The following SRD5A3 variants were observed in gnomAD, a reference collection of about 807,000 sequenced individuals.
The protein encoded by SRD5A3 is polyprenal reductase.
SRD5A3 carries 24 observed loss-of-function variants against 34.3 expected under a neutral mutation model. The observed-to-expected ratio is 0.70, with a 90% CI of 0.51 to 0.99. The LOEUF is 0.99. Ranked by LOEUF, SRD5A3 falls within the 50% of genes least tolerant of loss-of-function variation. The probability of loss-of-function intolerance (pLI) is 0.00; values close to 1 mark genes in which losing one functional copy is unlikely to be tolerated. For missense variants in SRD5A3, 350 were observed against 388.2 expected, an observed-to-expected ratio of 0.90 and a Z score of 0.83; for synonymous variants, 161 against 167.3, an observed-to-expected ratio of 0.96 and a Z score of 0.29.
chr4:55,360,084 G>A (rs1018826094), intron 2 of SRD5A3, among the ~76,000 whole-genome samples: 33 of 151,738 alleles, frequency 2.2e-4, no homozygotes, highest in Non-Finnish European at 3.2e-4. Flanking sequence ...GCATGGTGGC[G>A]GGCACCTGTA....
Position 55,370,040 on chromosome 4 carries a change from A to C in SRD5A3, c.906A>C (p.Lys302Asn), listed in dbSNP as rs776147710. Reference sequence around the variant, plus strand: ...TCAGCCACCAATTCTACAAAAGCAAATTTGTCTCTTACCCGAAGCATAGGA... The same window carrying C: ...TCAGCCACCAATTCTACAAAAGCAACTTTGTCTCTTACCCGAAGCATAGGA... ...AFLSHQFYKS[K>N]FVSYPKHRKA... is the part of the protein sequence containing the mutation. Residue 302 changes from lysine (K) to asparagine (N), a missense_variant, in exon 5 of 5, where the codon AAA (lysine) becomes AAC (asparagine). Coordinates refer to ENST00000264228, the MANE Select transcript of SRD5A3 (RefSeq NM_024592.5). The C allele has an allele frequency of 1.9e-6, 3 of 1,614,008 alleles. No homozygotes were observed. Among genetic ancestry groups the C allele is most frequent in the Non-Finnish European group, 2.5e-6 (3 of 1,180,020 alleles).
chr4:55,350,243 AC>A (rs2109460834), intron 1 of SRD5A3, among the ~76,000 whole-genome samples: 2 of 152,254 alleles, frequency 1.3e-5, no homozygotes, highest in African/African-American at 4.8e-5. Context: ...GGTGGCGAGC[AC>A]CGGTAATTCC....
At position 55,346,910 on chromosome 4, in the gene SRD5A3, C is replaced by T. The variant is rs535586320; in HGVS notation, c.221+353C>T. Reference sequence around the variant, plus strand: ...CGAATTTAGGCGGCAAATTGAAGTGCCCCTTGCCCCAAATTCTCCTTTTTC... The same window carrying T: ...CGAATTTAGGCGGCAAATTGAAGTGTCCCTTGCCCCAAATTCTCCTTTTTC... On this transcript the variant is annotated intron_variant, in intron 1 of 4. Coordinates refer to ENST00000264228, the MANE Select transcript of SRD5A3 (RefSeq NM_024592.5). 8.0e-5 allele frequency among the ~76,000 whole-genome samples: 12 copies of T among 149,162 alleles called. No homozygotes were observed. In the South Asian group the frequency reaches 2.6e-3, roughly 32 times the overall value.
In SRD5A3 at chr4:55,364,129, C is replaced by T; in HGVS notation, c.420C>T (p.Ser140=). Residue 140 remains serine, a synonymous_variant, in exon 3 of 5, where the codon AGC becomes AGT. Transcript: ENST00000264228. ...FLVLVFLWLH[S]LRRLFECLYV... ...TGCTAGTATTTCTGTGGCTGCACAG[C>T]TTACGAAGACTCTTCGAGTGCCTCT... 1 of 1,614,226 alleles carries T rather than the reference C, an allele frequency of 6.2e-7. No individual in the cohort carries two copies. Among genetic ancestry groups the T allele is most frequent in the Non-Finnish European group, 8.5e-7 (1 of 1,180,038 alleles).
At chr4:55,368,220 T>G (rs1270020413) in intron 4 of SRD5A3, among the ~76,000 whole-genome samples, 1 of 151,550 alleles carries the variant, frequency 6.6e-6, no homozygotes, top group Non-Finnish European at 1.5e-5. Context: ...CTTCTAAAAA[T>G]ACAAAACTTA....
At chr4:55,346,792 G>T (rs1437675045) in intron 1 of SRD5A3, among the ~76,000 whole-genome samples, 3 of 152,216 alleles carry the variant, frequency 2.0e-5, no homozygotes, top group Admixed American at 6.5e-5. Flanking sequence ...GAGCGGAGCC[G>T]CTTGCACTCA....
chr4:55,355,691 C>T (rs888461398), intron 1 of SRD5A3, among the ~76,000 whole-genome samples: 4 of 152,106 alleles, frequency 2.6e-5, no homozygotes, highest in Non-Finnish European at 2.9e-5. Flanking sequence ...AGTTCAGGCA[C>T]GCCTAGGTTG....
rs374407864 is a variant in SRD5A3, at chr4:55,363,107, A to G, written c.365-967A>G. Among the ~76,000 whole-genome samples the G allele has an allele frequency of 1.6e-4, 24 of 151,374 alleles. No individual in the cohort carries two copies. The East Asian group carries it at 3.6e-3, about 23-fold the overall frequency. ...GGCAATCCACCCGCCTCCAACTCCC[A>G]AAGTGGTAGGATTACAGGCATGAGC... is the stretch of plus-strand genomic sequence containing the variant. On this transcript the variant is annotated intron_variant, in intron 2 of 4. Transcript: ENST00000264228.
intron 1 of SRD5A3, among the ~76,000 whole-genome samples, chr4:55,357,876 A>G (rs919601338): frequency 6.6e-6 from 1 of 152,148 alleles, no homozygotes; most frequent in Non-Finnish European, 1.5e-5. Context: ...CTGGCCAGTG[A>G]TAGAATTTGC....
chr4:55,364,272 G>C lies in SRD5A3; in HGVS notation c.562+1G>C. On this transcript the variant is annotated splice_donor_variant, in intron 3 of 4. Transcript: ENST00000264228. LOFTEE classifies it high-confidence loss of function. The stretch of plus-strand genomic sequence containing the variant: ...CAAGTGCCAATGGATGGCAGGAATG[G>C]TGAGTGGATCCAGCCCTGCCAGGAG... 1 of 1,614,032 alleles carries C rather than the reference G, an allele frequency of 6.2e-7. No homozygotes were observed.
intron 1 of SRD5A3, chr4:55,352,156 T>G (rs1044366763): frequency 1.2e-6 from 1 of 861,290 alleles, no homozygotes; most frequent in Non-Finnish European, 2.0e-6. Flanking sequence ...GCACTAAGTC[T>G]GGTTTGGCTT....
At chr4:55,353,758 G>A (rs762869151) in intron 1 of SRD5A3, among the ~76,000 whole-genome samples, 6 of 151,980 alleles carry the variant, frequency 3.9e-5, no homozygotes, top group Admixed American at 2.0e-4. Context: ...CGAGGTCTGC[G>A]GCTTCACTCC....
intron 3 of SRD5A3, chr4:55,364,715 C>CAA: frequency 1.1e-5 from 2 of 174,488 alleles, no homozygotes; most frequent in Non-Finnish European, 2.4e-5. Flanking sequence ...GACTCCATCT[C>CAA]AAAAAAAAAG....
At chr4:55,356,604 G>A (rs1189130458) in intron 1 of SRD5A3, among the ~76,000 whole-genome samples, 2 of 151,904 alleles carry the variant, frequency 1.3e-5, no homozygotes, top group African/African-American at 4.8e-5. Flanking sequence ...TGGAACTACA[G>A]GCATGCATCA....
Position 55,369,880 on chromosome 4 carries a change from AAT to A in SRD5A3, c.749_750del (p.Tyr250CysfsTer5). The A allele has an allele frequency of 6.2e-7, 1 of 1,614,112 alleles. No individual in the cohort carries two copies. The highest frequency in any genetic ancestry group is 8.5e-7 in the Non-Finnish European group (1 of 1,180,014). ...AGGATCCCATTTGGAGACTGGTTTG[AAT>A]ATGTTTCTTCCCCTAACTACTTAGC... is the stretch of plus-strand genomic sequence containing the variant. On this transcript the variant is annotated frameshift_variant, in exon 5 of 5. Coordinates refer to ENST00000264228, the MANE Select transcript of SRD5A3 (RefSeq NM_024592.5). LOFTEE classifies it high-confidence loss of function.
intron 3 of SRD5A3, 162 bp downstream of exon 3, chr4:55,364,433 G>A (rs547860383): frequency 6.4e-5 from 52 of 814,822 alleles, no homozygotes; most frequent in East Asian, 1.6e-4. Flanking sequence ...TTAAAAGGCC[G>A]GGCGTGGTCG....
chr4:55,362,316 C>A (rs139799410), intron 2 of SRD5A3, among the ~76,000 whole-genome samples: 2,818 of 151,970 alleles, frequency 0.019, 80 homozygotes, highest in African/African-American at 0.064. Context: ...TTAGTAGAGA[C>A]AGGGTTTCAC....
rs908423250 is a variant in SRD5A3, at chr4:55,372,290, T to G, written c.*2199T>G. On this transcript the variant is annotated 3_prime_UTR_variant, in exon 5 of 5. Transcript: ENST00000264228. ...GATGTTCTGGAATCTCATTGTACTC[T>G]TAAGTAAAATAACGAGCATCCCATG... 1 of 152,190 alleles carries G rather than the reference T, an allele frequency of 6.6e-6. No homozygotes were observed. The highest frequency in any genetic ancestry group is 1.9e-4 in the East Asian group (1 of 5,198). The allele number at this position is 152,190 out of a possible 1,614,324, so 9.4% of individuals were successfully genotyped here.
At chr4:55,358,302 G>A (rs1719546271) in intron 1 of SRD5A3, among the ~76,000 whole-genome samples, 1 of 152,046 alleles carries the variant, frequency 6.6e-6, no homozygotes, top group African/African-American at 2.4e-5. Flanking sequence ...AGCCAAGGTG[G>A]GAGGGATCTC....
Sources: gnomAD v4.1 joint callset for allele counts (sites outside exome capture counted in the v4.1 genomes callset) on GRCh38, gnomAD v4.1.1 for gene constraint, MANE v1.5 for transcripts, NCBI Gene and HGNC (gene_info 2026-07-23, HGNC 2026-07-21) for gene names.